RUSC2: variants seen among roughly 807,000 people sequenced by gnomAD.
RUSC2 encodes the protein RUN and SH3 domain containing 2, also known as AP-4 complex accessory subunit RUSC2.
A neutral mutation model predicts 122.2 loss-of-function variants in RUSC2; 34 were observed. The observed-to-expected ratio is 0.28, with a 90% confidence interval of 0.21 to 0.37. The LOEUF is 0.37. Ranked by LOEUF, RUSC2 falls within the 10% of genes least tolerant of loss-of-function variation. The probability of loss-of-function intolerance (pLI) is 1.00; values close to 1 mark genes in which losing one functional copy is unlikely to be tolerated. For missense variants in RUSC2, 1,747 were observed against 1,952.4 expected (o/e 0.89, Z 1.98); for synonymous variants, 784 against 790.0 (o/e 0.99, Z 0.13).
intron 1 of RUSC2, among the ~76,000 whole-genome samples, chr9:35,524,518 C>T (rs556643195): frequency 6.6e-5 from 10 of 152,258 alleles, no homozygotes; most frequent in Admixed American, 6.5e-4. Context: ...ACTATCTTAA[C>T]GAAGGACTAG....
intron 1 of RUSC2, among the ~76,000 whole-genome samples, chr9:35,497,127 A>G (rs541866573): frequency 1.6e-4 from 25 of 152,190 alleles, no homozygotes; most frequent in Admixed American, 1.4e-3. Flanking sequence ...GAGAGTGAGT[A>G]CAAGTTTCTA....
intron 1 of RUSC2, among the ~76,000 whole-genome samples, chr9:35,531,030 C>T (rs977578234): frequency 2.7e-5 from 4 of 150,862 alleles, no homozygotes; most frequent in East Asian, 4.1e-4. Context: ...GAGGCCGAGG[C>T]GGGTGGATCA....
intron 1 of RUSC2, among the ~76,000 whole-genome samples, chr9:35,531,496 G>T (rs1215641624): frequency 6.6e-6 from 1 of 152,126 alleles, no homozygotes; most frequent in African/African-American, 2.4e-5. Flanking sequence ...AACTGGAGAG[G>T]CAATAGAGGA....
Position 35,546,410 on chromosome 9 carries a change from T to C in RUSC2, c.-92-20T>C, listed in dbSNP as rs1821745037. ...CCAGGGAGGTGACATTAGGTTCCCTTTCTTTCCCTCTCTCTCCAGGTGCCA... is the reference window on the plus strand; with the variant it reads ...CCAGGGAGGTGACATTAGGTTCCCTCTCTTTCCCTCTCTCTCCAGGTGCCA... On this transcript the variant is annotated intron_variant, in intron 1 of 11. Coordinates refer to ENST00000361226, the MANE Select transcript of RUSC2 (RefSeq NM_014806.5). The surrounding 1 kb of genome is among the most constrained non-coding windows in gnomAD (Gnocchi z 4.3). 1 of 802,768 alleles carries C rather than the reference T, an allele frequency of 1.2e-6. No homozygotes were observed. The highest frequency in any genetic ancestry group is 1.8e-5 in the African/African-American group (1 of 56,890). The allele number at this position is 802,768 out of a possible 1,614,324, so 49.7% of individuals were successfully genotyped here. A position where few individuals can be genotyped will look rare whatever the true frequency, so the allele number is the denominator to read the frequency against.
chr9:35,492,024 T>C (rs1382031742), intron 1 of RUSC2, among the ~76,000 whole-genome samples: 1 of 152,198 alleles, frequency 6.6e-6, no homozygotes, highest in Non-Finnish European at 1.5e-5. Context: ...GCTCCTGATC[T>C]GGATGGATTA....
Position 35,546,802 on chromosome 9 carries a change from C to T in RUSC2, c.281C>T (p.Pro94Leu), listed in dbSNP as rs760816596. The change falls in exon 2 of 12, where the codon CCT becomes CTT. Residue 94 changes from proline to leucine, a missense_variant. By Grantham distance (98) the Pro-to-Leu change is moderately conservative. Transcript: ENST00000361226. The surrounding 1 kb of genome is among the most constrained non-coding windows in gnomAD (Gnocchi z 4.3). ...AGTAGGAGTCGGGATGGAAGAGGCC[C>T]TGGAGCCCCCAAACGACACAACCCC... ...TKSRSRDGRGPGAPKRHNPFL... is the reference protein window; with the variant it reads ...TKSRSRDGRGLGAPKRHNPFL... 6.2e-7 allele frequency: 1 copy of T among 1,611,264 alleles called. No individual in the cohort carries two copies. The highest frequency in any genetic ancestry group is 2.2e-5 in the East Asian group (1 of 44,896).
In RUSC2 at chr9:35,556,054, A is replaced by C; in HGVS notation, c.2759A>C (p.Glu920Ala). 5.0e-6 allele frequency: 8 copies of C among 1,614,184 alleles called. No homozygotes were observed. The highest frequency in any genetic ancestry group is 6.8e-6 in the Non-Finnish European group (8 of 1,180,038). ...GGGAGCCTAGACCGAAGATCACAAG[A>C]AGCTCGGCTGGCCCGAAGAAACCCT... ...LSGSLDRRSQ[E>A]ARLARRNPIF... Residue 920 changes from glutamate to alanine, a missense_variant, in exon 4 of 12, where the codon GAA becomes GCA. Glu to Ala is a moderately radical substitution (Grantham distance 107). Transcript: ENST00000361226.
chr9:35,515,999 C>CAAAAAAAAAAAAAAAAAAAAAAAAAAA (rs544797957), intron 1 of RUSC2, among the ~76,000 whole-genome samples: 3 of 47,198 alleles, frequency 6.4e-5, no homozygotes, highest in Non-Finnish European at 1.1e-4. Context: ...ATTCTTGTCT[C>CAAAAAAAAAAAAAAAAAAAAAAAAAAA]AAAAAAAAAA....
At chr9:35,507,990 A>G (rs1270306914) in intron 1 of RUSC2, 7 of 153,450 alleles carry the variant, frequency 4.6e-5, no homozygotes, top group Non-Finnish European at 8.7e-5. Context: ...CAGTCTTACT[A>G]TATTTCTCTA....
chr9:35,491,304 A>G (rs1261940798), intron 1 of RUSC2, among the ~76,000 whole-genome samples: 1 of 152,206 alleles, frequency 6.6e-6, no homozygotes, highest in Non-Finnish European at 1.5e-5. Flanking sequence ...TAGTAGTGGC[A>G]TTATTGTAAC....
intron 9 of RUSC2, among the ~76,000 whole-genome samples, chr9:35,559,726 C>A (rs1254395876): frequency 6.6e-6 from 1 of 152,118 alleles, no homozygotes; most frequent in African/African-American, 2.4e-5. Context: ...CAGAGTGAGA[C>A]TCAGTCTCAA....
At chr9:35,490,871 G>C (rs905506707) in intron 1 of RUSC2, among the ~76,000 whole-genome samples, 2 of 152,226 alleles carry the variant, frequency 1.3e-5, no homozygotes, top group Non-Finnish European at 2.9e-5. Context: ...ACGGGGAACT[G>C]TCCTGGGGGC....
intron 1 of RUSC2, among the ~76,000 whole-genome samples, chr9:35,494,802 T>C (rs555442142): frequency 8.0e-5 from 12 of 150,206 alleles, no homozygotes; most frequent in African/African-American, 2.9e-4. Flanking sequence ...AAATCTAATT[T>C]ATCTAATTTT....
At chr9:35,543,680 G>C (rs1269672581) in intron 1 of RUSC2, among the ~76,000 whole-genome samples, 7 of 152,098 alleles carry the variant, frequency 4.6e-5, no homozygotes, top group Admixed American at 4.6e-4. Context: ...TGTTGGCCAG[G>C]CTGGTCTTGA....
chr9:35,491,989 T>A (rs1381497136), intron 1 of RUSC2, among the ~76,000 whole-genome samples: 1 of 152,050 alleles, frequency 6.6e-6, no homozygotes, highest in Non-Finnish European at 1.5e-5. Flanking sequence ...AAGCCTTGGA[T>A]CATAGAAACC....
Position 35,558,611 on chromosome 9 carries a change from C to T in RUSC2, c.3341+44C>T. On this transcript the variant is annotated intron_variant, in intron 8 of 11. Coordinates refer to ENST00000361226, the MANE Select transcript of RUSC2 (RefSeq NM_014806.5). This position sits in a 1 kb window ranked among gnomAD's most constrained non-coding sequence, Gnocchi z 4.3. ...AAGATCCCCTAAACAACTTGCCCTGCCCCCCACCCCCGGGCTCTGCCTGCA... is the reference window on the plus strand; with the variant it reads ...AAGATCCCCTAAACAACTTGCCCTGTCCCCCACCCCCGGGCTCTGCCTGCA... 6.8e-7 allele frequency: 1 copy of T among 1,475,730 alleles called. No individual in the cohort carries two copies. The highest frequency in any genetic ancestry group is 9.5e-7 in the Non-Finnish European group (1 of 1,054,820). 91.4% of individuals were successfully genotyped at this position (1,475,730 alleles called of 1,614,324 possible). A position where few individuals can be genotyped will look rare whatever the true frequency, so the allele number is the denominator to read the frequency against.
At chr9:35,552,901 T>G (rs1471395566) in intron 2 of RUSC2, among the ~76,000 whole-genome samples, 1 of 152,234 alleles carries the variant, frequency 6.6e-6, no homozygotes, top group Non-Finnish European at 1.5e-5. Context: ...CTTATTCCTC[T>G]GCCTCAGTCT....
intron 1 of RUSC2, among the ~76,000 whole-genome samples, chr9:35,525,488 AT>A (rs957900059): frequency 4.0e-4 from 59 of 145,752 alleles, no homozygotes; most frequent in East Asian, 1.2e-3. Flanking sequence ...CAACATCCCT[AT>A]TTTTTTTTTT....
chr9:35,550,372 T>G lies in RUSC2; in HGVS notation c.2014+1837T>G, dbSNP rs536294557. Among the ~76,000 whole-genome samples the G allele has an allele frequency of 2.9e-4, 44 of 151,934 alleles. 1 individual carries two copies. The South Asian group carries it at 9.0e-3, about 31-fold the overall frequency. ...TGGGCGTGGTGACTCATACCTATAG[T>G]CCCAGCACTTTAGGAGACTGAGGCA... On this transcript the variant is annotated intron_variant, in intron 2 of 11. Coordinates refer to ENST00000361226, the MANE Select transcript of RUSC2 (RefSeq NM_014806.5).
Sources: allele counts gnomAD v4.1 joint callset (sites outside exome capture counted in the v4.1 genomes callset), GRCh38; gene constraint gnomAD v4.1.1; non-coding constraint Gnocchi (gnomAD v3.1); transcripts MANE v1.5; gene names NCBI Gene and HGNC (gene_info 2026-07-23, HGNC 2026-07-21).